Variants in PEAK1 observed in about 807,000 individuals in gnomAD.
The protein encoded by PEAK1 is inactive tyrosine-protein kinase PEAK1.
A neutral mutation model predicts 124.7 loss-of-function variants in PEAK1; 54 were observed. The observed-to-expected ratio is 0.43, with a 90% CI of 0.35 to 0.54. The LOEUF is 0.54. Ranked by LOEUF, PEAK1 falls within the 20% of genes least tolerant of loss-of-function variation. The probability of loss-of-function intolerance (pLI) is 0.01; values close to 1 mark genes in which losing one functional copy is unlikely to be tolerated. For missense variants in PEAK1, 2,046 were observed against 2,134.5 expected, an observed-to-expected ratio of 0.96 and a Z score of 0.82; for synonymous variants, 719 against 760.0, an observed-to-expected ratio of 0.95 and a Z score of 0.89.
chr15:77,352,618 A>C, intron 2 of PEAK1: 1 of 951,632 alleles, frequency 1.1e-6, no homozygotes, highest in Non-Finnish European at 1.3e-6. Context: ...TTCATACCAT[A>C]CTCATGAATA....
chr15:77,166,336 T>C (rs138456749), intron 7 of PEAK1, among the ~76,000 whole-genome samples: 1 of 152,308 alleles, frequency 6.6e-6, no homozygotes, highest in Non-Finnish European at 1.5e-5. Context: ...CAAATAATAA[T>C]AGTGGCCAAA....
chr15:77,322,745 T>A (rs1334515116), intron 2 of PEAK1, among the ~76,000 whole-genome samples: 1 of 152,104 alleles, frequency 6.6e-6, no homozygotes, highest in Non-Finnish European at 1.5e-5. Flanking sequence ...TTCCAATTAA[T>A]AGAAAAAGAG....
rs374792632 is a variant in PEAK1, at chr15:77,108,535, T to C, written c.*5621A>G. The stretch of plus-strand genomic sequence containing the variant: ...ATACATCACACTCTTTAGTTCTAAC[T>C]GGTAAAGGAAGGGATAACCAAGTAG... On this transcript the variant is annotated 3_prime_UTR_variant, in exon 10 of 10. Transcript: ENST00000682557. 4 of 152,342 alleles carry C rather than the reference T, an allele frequency of 2.6e-5. No individual in the cohort carries two copies. Among genetic ancestry groups the C allele is most frequent in the East Asian group, 3.9e-4 (2 of 5,188 alleles). The allele number at this position is 152,342 out of a possible 1,614,324, so 9.4% of individuals were successfully genotyped here. A position where few individuals can be genotyped will look rare whatever the true frequency, so the allele number is the denominator to read the frequency against.
chr15:77,304,337 CTT>C (rs2063951943), intron 2 of PEAK1, among the ~76,000 whole-genome samples: 1 of 151,110 alleles, frequency 6.6e-6, no homozygotes, highest in Non-Finnish European at 1.5e-5. Flanking sequence ...TTCTTTAGAT[CTT>C]GTTTGATTAG....
intron 5 of PEAK1, among the ~76,000 whole-genome samples, chr15:77,266,061 A>T (rs1315721982): frequency 2.0e-5 from 3 of 151,354 alleles, no homozygotes; most frequent in Admixed American, 1.3e-4. Flanking sequence ...ATGAGAACAC[A>T]TGGACACAGG....
chr15:77,133,623 G>A lies in PEAK1; in HGVS notation c.3459C>T (p.Pro1153=), dbSNP rs758984256. 15 of 1,614,028 alleles carry A rather than the reference G, an allele frequency of 9.3e-6. No homozygotes were observed. In the East Asian group the frequency reaches 1.3e-4, roughly 14 times the overall value. ...EAPNASQPTP[P]PLPKKMIIRA... is the part of the protein sequence containing the mutation. ...TTATGATCATCTTCTTTGGCAGTGG[G>A]GGTGGTGTAGGTTGGGAAGCATTGG... is the stretch of plus-strand genomic sequence containing the variant. The change falls in exon 9 of 10, where the codon CCC becomes CCT. Residue 1153 remains proline, a synonymous_variant. Transcript: ENST00000682557. The surrounding 1 kb of genome is among the most constrained non-coding windows in gnomAD (Gnocchi z 4.2).
rs1465750374 is a variant in PEAK1, at chr15:77,111,311, C to T, written c.*2845G>A. ...ATGAACAAATTCAAAGGTCCTACCA[C>T]AATTAAAATGAAAAATATTTGTGAT... On this transcript the variant is annotated 3_prime_UTR_variant, in exon 10 of 10. Transcript: ENST00000682557. The T allele has an allele frequency of 2.6e-5, 4 of 152,124 alleles. No homozygotes were observed. The East Asian group carries it at 7.7e-4, about 29-fold the overall frequency. 9.4% of individuals were successfully genotyped at this position (152,124 alleles called of 1,614,324 possible). A position where few individuals can be genotyped will look rare whatever the true frequency, so the allele number is the denominator to read the frequency against.
chr15:77,195,628 G>A (rs1290371127), intron 6 of PEAK1, among the ~76,000 whole-genome samples: 3 of 152,132 alleles, frequency 2.0e-5, no homozygotes, highest in African/African-American at 7.2e-5. Context: ...GATGCATGCT[G>A]AATTCCAATG....
chr15:77,343,192 T>C (rs2066648857), intron 2 of PEAK1, among the ~76,000 whole-genome samples: 1 of 152,216 alleles, frequency 6.6e-6, no homozygotes, highest in Non-Finnish European at 1.5e-5. Context: ...AAGTGGTATA[T>C]CACTGTGTTT....
At chr15:77,337,452 T>C in intron 2 of PEAK1, 1 of 976,436 alleles carries the variant, frequency 1.0e-6, no homozygotes, top group African/African-American at 1.8e-5. Flanking sequence ...CTGAAATTAA[T>C]AGGTCTGTAA....
At chr15:77,412,302 T>C (rs976520964) in intron 1 of PEAK1, among the ~76,000 whole-genome samples, 1 of 152,200 alleles carries the variant, frequency 6.6e-6, no homozygotes, top group African/African-American at 2.4e-5. Context: ...CTCTATTACT[T>C]AGCATGTCTA....
intron 7 of PEAK1, among the ~76,000 whole-genome samples, chr15:77,161,965 C>CA (rs33972250): frequency 0.35 from 29,258 of 84,438 alleles, 6,053 homozygotes; most frequent in Non-Finnish European, 0.39. Context: ...GACTCTGTCT[C>CA]AAAAAAAAAA....
At chr15:77,131,585 T>C (rs994357494) in intron 9 of PEAK1, among the ~76,000 whole-genome samples, 3 of 152,232 alleles carry the variant, frequency 2.0e-5, no homozygotes, top group African/African-American at 7.2e-5. Flanking sequence ...TCTTGGAGCT[T>C]CATTTTCCTC....
At chr15:77,253,753 T>C (rs1291309025) in intron 5 of PEAK1, among the ~76,000 whole-genome samples, 1 of 152,214 alleles carries the variant, frequency 6.6e-6, no homozygotes, top group Non-Finnish European at 1.5e-5. Flanking sequence ...GTCAGTAATA[T>C]TATTGCTATC....
chr15:77,349,531 T>C, intron 2 of PEAK1: 10 of 984,896 alleles, frequency 1.0e-5, no homozygotes, highest in Non-Finnish European at 1.2e-5. Flanking sequence ...AGACTTACTT[T>C]TATTCTGTTT....
intron 6 of PEAK1, among the ~76,000 whole-genome samples, chr15:77,243,990 AAAAG>A (rs1382840670): frequency 6.6e-6 from 1 of 152,072 alleles, no homozygotes; most frequent in South Asian, 2.1e-4. Flanking sequence ...AAAAAAAAGA[AAAAG>A]AAACCCACAG....
chr15:77,252,190 A>C (rs2060912730), intron 6 of PEAK1, among the ~76,000 whole-genome samples, 177 bp downstream of exon 6: 1 of 152,266 alleles, frequency 6.6e-6, no homozygotes, highest in Non-Finnish European at 1.5e-5. Context: ...CTAGGGGAAA[A>C]AATTCTTTTG....
intron 6 of PEAK1, among the ~76,000 whole-genome samples, chr15:77,223,340 A>G (rs2059472638): frequency 6.6e-6 from 1 of 152,036 alleles, no homozygotes; most frequent in Admixed American, 6.6e-5. Flanking sequence ...CCACCCAAGT[A>G]CAAGCAAAGC....
At chr15:77,313,636 A>G (rs1341355674) in intron 2 of PEAK1, among the ~76,000 whole-genome samples, 10 of 94,446 alleles carry the variant, frequency 1.1e-4, no homozygotes, top group Admixed American at 9.9e-4. Context: ...CCAGTAATGT[A>G]TGTATGTATG....
Sources: gnomAD v4.1 joint callset for allele counts (sites outside exome capture counted in the v4.1 genomes callset) on GRCh38, gnomAD v4.1.1 for gene constraint, Gnocchi (gnomAD v3.1) non-coding constraint, MANE v1.5 for transcripts, NCBI Gene and HGNC (gene_info 2026-07-23, HGNC 2026-07-21) for gene names.